The following SPOCK1 variants were observed in gnomAD, a reference collection of about 807,000 sequenced individuals.
SPOCK1 encodes SPARC (osteonectin), cwcv and kazal like domains proteoglycan 1.
SPOCK1 carries 23 observed loss-of-function variants against 55.3 expected under a neutral mutation model. The observed-to-expected ratio is 0.42, with a 90% CI of 0.30 to 0.59. The LOEUF (loss-of-function observed/expected upper bound fraction) is 0.59. SPOCK1 is among the 20% of genes least tolerant of loss of function. The probability of loss-of-function intolerance (pLI) is 0.22; values close to 1 mark genes in which losing one functional copy is unlikely to be tolerated. For missense variants in SPOCK1, 499 were observed against 552.5 expected (o/e 0.90, Z 0.97); for synonymous variants, 226 against 221.0 (o/e 1.02, Z -0.20).
chr5:137,024,321 G>C (rs993435409), intron 6 of SPOCK1, among the ~76,000 whole-genome samples: 43 of 146,770 alleles, frequency 2.9e-4, no homozygotes, highest in African/African-American at 1.0e-3. Flanking sequence ...TGAAGGGGGG[G>C]GGGTAGTTAC....
chr5:137,050,296 C>G (rs1752177647), intron 6 of SPOCK1, among the ~76,000 whole-genome samples: 2 of 127,730 alleles, frequency 1.6e-5, no homozygotes, highest in African/African-American at 5.7e-5. Context: ...CAGCGAGATT[C>G]CGTGGGCGTA....
At chr5:137,340,660 C>G (rs1298530977) in intron 2 of SPOCK1, among the ~76,000 whole-genome samples, 1 of 152,104 alleles carries the variant, frequency 6.6e-6, no homozygotes, top group Non-Finnish European at 1.5e-5. Flanking sequence ...GTGGGTGGAT[C>G]ACTTGAGGTC....
chr5:137,035,704 T>C (rs1751870640), intron 6 of SPOCK1, among the ~76,000 whole-genome samples: 1 of 152,174 alleles, frequency 6.6e-6, no homozygotes, highest in African/African-American at 2.4e-5. Flanking sequence ...CAGCCTTTGC[T>C]GGGACTGTGC....
chr5:137,407,316 G>A (rs915347536), intron 2 of SPOCK1, among the ~76,000 whole-genome samples: 1 of 152,148 alleles, frequency 6.6e-6, no homozygotes, highest in Non-Finnish European at 1.5e-5. Context: ...CTTCACAGCT[G>A]GGGAGAAACT....
At chr5:137,405,567 C>A (rs1446825294) in intron 2 of SPOCK1, among the ~76,000 whole-genome samples, 1 of 152,158 alleles carries the variant, frequency 6.6e-6, no homozygotes, top group East Asian at 1.9e-4. Flanking sequence ...GCAGACAGAT[C>A]CCTACTGGGC....
chr5:137,446,264 G>T (rs1753125335), intron 2 of SPOCK1, among the ~76,000 whole-genome samples: 1 of 152,144 alleles, frequency 6.6e-6, no homozygotes, highest in Non-Finnish European at 1.5e-5. Context: ...GCTGTACCTT[G>T]TAAAAATCGT....
chr5:137,438,128 T>C (rs894576532), intron 2 of SPOCK1, among the ~76,000 whole-genome samples: 5 of 152,208 alleles, frequency 3.3e-5, no homozygotes, highest in African/African-American at 1.2e-4. Context: ...TATGAGCTTT[T>C]TTAAAGAGAA....
rs1235932251 is a variant in SPOCK1 at position 137,419,814 on chromosome 5, C to T, written c.186+78559G>A. Reference sequence around the variant, plus strand: ...TTATTTCCTTCTCCTGCCAGTTTTCCCTGGCCAGAACTTCCAACACTATGT... The same window carrying T: ...TTATTTCCTTCTCCTGCCAGTTTTCTCTGGCCAGAACTTCCAACACTATGT... On this transcript the variant is annotated intron_variant, in intron 2 of 10. Coordinates refer to ENST00000394945, the MANE Select transcript of SPOCK1 (RefSeq NM_004598.4). Among the ~76,000 whole-genome samples the T allele has an allele frequency of 3.3e-5, 5 of 152,266 alleles. No individual in the cohort carries two copies. The East Asian group carries it at 7.7e-4, about 23-fold the overall frequency.
chr5:137,206,925 T>C (rs925374427), intron 3 of SPOCK1, among the ~76,000 whole-genome samples: 8 of 152,198 alleles, frequency 5.3e-5, no homozygotes, highest in Non-Finnish European at 2.9e-5. Context: ...ACGATGATGA[T>C]GAAGTGGCAG....
At position 137,312,387 on chromosome 5, in the gene SPOCK1, G is replaced by C. The variant is rs1330523453; in HGVS notation, c.187-45332C>G. ...TCATCCCCACAGCACTCAAATGAGA[G>C]AGACCTCCTCCAGGAGGGTTGGAGA... is the stretch of plus-strand genomic sequence containing the variant. On this transcript the variant is annotated intron_variant, in intron 2 of 10. Coordinates refer to ENST00000394945, the MANE Select transcript of SPOCK1 (RefSeq NM_004598.4). Among the ~76,000 whole-genome samples, 3 of 152,204 alleles carry C rather than the reference G, an allele frequency of 2.0e-5. No individual in the cohort carries two copies. The East Asian group carries it at 5.8e-4, about 29-fold the overall frequency.
intron 4 of SPOCK1, among the ~76,000 whole-genome samples, chr5:137,117,929 G>A (rs1439170412): frequency 1.3e-5 from 2 of 152,118 alleles, no homozygotes; most frequent in Non-Finnish European, 2.9e-5. Flanking sequence ...AAATCAGAAT[G>A]CTGAAATAAT....
At chr5:136,980,120 T>G (rs574324539) in intron 9 of SPOCK1, among the ~76,000 whole-genome samples, 1 of 151,992 alleles carries the variant, frequency 6.6e-6, no homozygotes, top group Non-Finnish European at 1.5e-5. Flanking sequence ...CTTGCATTAT[T>G]TCATCAAGCC....
chr5:136,988,801 T>TACAG (rs1411922926), intron 7 of SPOCK1, 158 bp from the exon 8 acceptor site: 1 of 586,910 alleles, frequency 1.7e-6, no homozygotes, highest in African/African-American at 1.8e-5. Flanking sequence ...TTCTCTAGAA[T>TACAG]ATTTTGTGTT....
chr5:137,133,973 G>T, intron 4 of SPOCK1, among the ~76,000 whole-genome samples: 1 of 148,856 alleles, frequency 6.7e-6, no homozygotes. Flanking sequence ...GGGGTAGCGG[G>T]GGGTGGCAGT....
intron 4 of SPOCK1, among the ~76,000 whole-genome samples, chr5:137,120,399 T>C (rs977382807): frequency 6.6e-6 from 1 of 152,196 alleles, no homozygotes; most frequent in Admixed American, 6.5e-5. Flanking sequence ...TCCAAAAGCA[T>C]GAACATCTCT....
At chr5:137,042,553 A>G (rs560194814) in intron 6 of SPOCK1, among the ~76,000 whole-genome samples, 1 of 152,292 alleles carries the variant, frequency 6.6e-6, no homozygotes, top group Middle Eastern at 3.4e-3. Context: ...TGACCTGTGT[A>G]GTTTTGGAAA....
intron 5 of SPOCK1, among the ~76,000 whole-genome samples, chr5:137,074,583 T>C (rs181814746): frequency 1.3e-5 from 2 of 152,216 alleles, no homozygotes; most frequent in East Asian, 1.9e-4. Context: ...GTGACATGAT[T>C]TCAGCTCACT....
At chr5:137,251,265 C>T (rs1172257866) in intron 3 of SPOCK1, among the ~76,000 whole-genome samples, 2 of 152,208 alleles carry the variant, frequency 1.3e-5, no homozygotes, top group Non-Finnish European at 2.9e-5. Context: ...TCCTATTCCT[C>T]AAAGTGAATC....
chr5:137,210,679 T>A (rs1163351671), intron 3 of SPOCK1, among the ~76,000 whole-genome samples: 1 of 152,170 alleles, frequency 6.6e-6, no homozygotes, highest in Non-Finnish European at 1.5e-5. Flanking sequence ...AGAGCTGTCA[T>A]TCTCTAGATA....
Sources: gnomAD v4.1 joint callset for allele counts (sites outside exome capture counted in the v4.1 genomes callset) on GRCh38, gnomAD v4.1.1 for gene constraint, MANE v1.5 for transcripts, NCBI Gene and HGNC (gene_info 2026-07-23, HGNC 2026-07-21) for gene names.